ANKRD62: variants seen among roughly 807,000 people sequenced by gnomAD.
ANKRD62 encodes ankyrin repeat domain 62, also known as ankyrin repeat domain-containing protein 62.
ANKRD62 carries 61 observed loss-of-function variants against 98.8 expected under a neutral mutation model. The ratio of observed to expected loss-of-function variants is 0.62; its 90% CI spans 0.50 to 0.76. The LOEUF (loss-of-function observed/expected upper bound fraction) is 0.76. ANKRD62 is among the 30% of genes least tolerant of loss of function. The pLI is 0.00. For missense variants in ANKRD62, 933 were observed against 1,082.9 expected (o/e 0.86, Z 1.94); for synonymous variants, 341 against 367.9 (o/e 0.93, Z 0.84).
the ANKRD62 span, among the ~76,000 whole-genome samples, chr18:12,139,057 T>C: frequency 1.3e-5 from 2 of 152,164 alleles, no homozygotes; most frequent in Non-Finnish European, 2.9e-5. Flanking sequence ...AAGGTTAGTA[T>C]TGTTATGTGT....
In ANKRD62 at chr18:12,095,503, A is replaced by C. The variant is rs1397153523; in HGVS notation, c.400A>C (p.Arg134=). 1 of 1,571,636 alleles carries C rather than the reference A, an allele frequency of 6.4e-7. No homozygotes were observed. Among genetic ancestry groups the C allele is most frequent in the Admixed American group, 1.8e-5 (1 of 55,292 alleles). The change falls in exon 3 of 14, where the codon AGA becomes CGA. Residue 134 remains arginine, a synonymous_variant. Transcript: ENST00000587848. ...LLEHGANPNV[R]DMYGNTALHY... ...GGAACATGGCGCCAACCCAAATGTT[A>C]GAGATATGTATGGCAACACTGCTCT...
chr18:12,094,292 C>G, intron 1 of ANKRD62, 57 bp downstream of exon 1: 1 of 1,307,630 alleles, frequency 7.6e-7, no homozygotes, highest in Non-Finnish European at 9.9e-7. Flanking sequence ...GCCCCTGTTC[C>G]TGGTTTCGGG....
intron 8 of ANKRD62, among the ~76,000 whole-genome samples, chr18:12,108,411 C>T (rs565147481): frequency 5.1e-4 from 78 of 152,238 alleles, no homozygotes; most frequent in African/African-American, 1.8e-3. Flanking sequence ...AAAACATTAG[C>T]TCTTGTGAGA....
In ANKRD62 at chr18:12,127,740, C is replaced by A; in HGVS notation, c.2563-8C>A. On this transcript the variant is annotated splice_region_variant and splice_polypyrimidine_tract_variant and intron_variant, in intron 13 of 13. Coordinates refer to ENST00000587848, the MANE Select transcript of ANKRD62 (RefSeq NM_001277333.2). Reference sequence around the variant, plus strand: ...GTAAAATCAGTAACAAAAATAACATCTTACCAGGTAGTCAGGAGACAGCTT... The same window carrying A: ...GTAAAATCAGTAACAAAAATAACATATTACCAGGTAGTCAGGAGACAGCTT... 3 of 1,370,148 alleles carry A rather than the reference C, an allele frequency of 2.2e-6. No homozygotes were observed. Among genetic ancestry groups the A allele is most frequent in the Non-Finnish European group, 2.8e-6 (3 of 1,067,372 alleles). 84.9% of individuals were successfully genotyped at this position (1,370,148 alleles called of 1,614,324 possible).
chr18:12,135,302 T>G, the ANKRD62 span, among the ~76,000 whole-genome samples: 2 of 150,028 alleles, frequency 1.3e-5, no homozygotes, highest in African/African-American at 5.0e-5. Flanking sequence ...GTTTGGTTTT[T>G]TGTCCTTGCA....
the ANKRD62 span, among the ~76,000 whole-genome samples, chr18:12,138,365 T>A: frequency 2.6e-5 from 4 of 152,226 alleles, no homozygotes; most frequent in Admixed American, 6.5e-5. Flanking sequence ...TTTGAGTGAG[T>A]TTCTCAATTC....
chr18:12,108,584 C>A lies in ANKRD62; in HGVS notation c.1064+1117C>A, dbSNP rs368329911. ...TATTCCACCCTGGCCCCTTTCAAAT[C>A]TCATGTCCTTTTCACATTTCAAAAC... is the stretch of plus-strand genomic sequence containing the variant. On this transcript the variant is annotated intron_variant, in intron 8 of 13. Coordinates refer to ENST00000587848, the MANE Select transcript of ANKRD62 (RefSeq NM_001277333.2). Among the ~76,000 whole-genome samples the A allele has an allele frequency of 1.5e-4, 23 of 152,300 alleles. No individual in the cohort carries two copies. In the East Asian group the frequency reaches 3.5e-3, roughly 23 times the overall value.
chr18:12,115,051 T>G (rs1482634729), intron 8 of ANKRD62, 37 bp from the exon 9 acceptor site: 60 of 1,366,832 alleles, frequency 4.4e-5, no homozygotes, highest in Non-Finnish European at 5.5e-5. Context: ...ACATATTTAC[T>G]ATTTGCCTGA....
the ANKRD62 span, among the ~76,000 whole-genome samples, chr18:12,174,552 C>A: frequency 1.3e-5 from 2 of 152,180 alleles, no homozygotes; most frequent in Admixed American, 6.5e-5. Flanking sequence ...GTAATGAGGT[C>A]ATTTGGAGGA....
At chr18:12,178,467 A>G in the ANKRD62 span, among the ~76,000 whole-genome samples, 1 of 145,896 alleles carries the variant, frequency 6.9e-6, no homozygotes, top group Non-Finnish European at 1.5e-5. Context: ...GCATCTTAGA[A>G]CAGTTGTTTT....
chr18:12,129,125 AAAG>A lies in ANKRD62; in HGVS notation c.*1189_*1191del, dbSNP rs1256847213. ...CAAAAATTAAATGCAAACAGACAAAAAAGAAATGAAATTATAGTTGATATAGTG... is the reference window on the plus strand; with the variant it reads ...CAAAAATTAAATGCAAACAGACAAAAAAATGAAATTATAGTTGATATAGTG... On this transcript the variant is annotated 3_prime_UTR_variant, in exon 14 of 14. Coordinates refer to ENST00000587848, the MANE Select transcript of ANKRD62 (RefSeq NM_001277333.2). The A allele has an allele frequency of 6.6e-6, 1 of 152,202 alleles. No individual in the cohort carries two copies. 9.4% of individuals were successfully genotyped at this position (152,202 alleles called of 1,614,324 possible).
chr18:12,137,541 A>G, the ANKRD62 span, among the ~76,000 whole-genome samples: 4 of 152,190 alleles, frequency 2.6e-5, no homozygotes, highest in African/African-American at 9.6e-5. Flanking sequence ...AGGCTTTGGT[A>G]TCAGGATGAT....
the ANKRD62 span, among the ~76,000 whole-genome samples, chr18:12,162,295 C>T: frequency 6.6e-6 from 1 of 151,936 alleles, no homozygotes; most frequent in East Asian, 1.9e-4. Flanking sequence ...CTTTGTATGC[C>T]TGTTTGGCAT....
At chr18:12,162,142 T>C in the ANKRD62 span, among the ~76,000 whole-genome samples, 3 of 152,080 alleles carry the variant, frequency 2.0e-5, no homozygotes, top group African/African-American at 7.2e-5. Flanking sequence ...CCACCAACAG[T>C]GTAGAGGGTT....
At chr18:12,114,034 T>C (rs1909605289) in intron 8 of ANKRD62, among the ~76,000 whole-genome samples, 1 of 152,016 alleles carries the variant, frequency 6.6e-6, no homozygotes, top group African/African-American at 2.4e-5. Context: ...TTTAACACAG[T>C]AAAAGAAAAC....
At chr18:12,154,166 C>A in the ANKRD62 span, among the ~76,000 whole-genome samples, 1 of 152,100 alleles carries the variant, frequency 6.6e-6, no homozygotes, top group Non-Finnish European at 1.5e-5. Flanking sequence ...AACAAACAGC[C>A]TACAAAATGG....
rs1424838203 is a variant in ANKRD62 at position 12,115,481 on chromosome 18, C to G, written c.1187C>G (p.Ser396Cys). The G allele has an allele frequency of 2.0e-6, 3 of 1,537,570 alleles. No individual in the cohort carries two copies. The highest frequency in any genetic ancestry group is 2.4e-5 in the East Asian group (1 of 40,862). ...TCAGAGGATGATGAGTTGCCTTACT[C>G]TGATGATGAGAATTTTATGTTACTC... is the stretch of plus-strand genomic sequence containing the variant. ...KTSEDDELPY[S>C]DDENFMLLIE... The change falls in exon 10 of 14, where the codon TCT (serine) becomes TGT (cysteine). Residue 396 changes from serine to cysteine, a missense_variant. Ser to Cys is a moderately radical substitution (Grantham distance 112). Around this residue, in one of 3 missense-constraint regions of ANKRD62, gnomAD observed 549 missense variants for 587.9 expected, o/e 0.93. Transcript: ENST00000587848.
At chr18:12,173,420 T>C in the ANKRD62 span, among the ~76,000 whole-genome samples, 2 of 152,262 alleles carry the variant, frequency 1.3e-5, no homozygotes, top group Non-Finnish European at 2.9e-5. Flanking sequence ...GAAGGCAGCA[T>C]GCCAATGGGT....
chr18:12,157,026 G>A, the ANKRD62 span, among the ~76,000 whole-genome samples: 3 of 152,012 alleles, frequency 2.0e-5, no homozygotes, highest in South Asian at 2.1e-4. Context: ...TGCTTGCCTC[G>A]GCCCCGCAAA....
Sources: allele counts gnomAD v4.1 joint callset (sites outside exome capture counted in the v4.1 genomes callset), GRCh38; gene constraint gnomAD v4.1.1; regional missense constraint gnomAD v4.1.1; transcripts MANE v1.5; gene names NCBI Gene and HGNC (gene_info 2026-07-23, HGNC 2026-07-21).